SLC35D4: variants seen among roughly 807,000 people sequenced by gnomAD.
SLC35D4 encodes UDP-N-acetylglucosamine transporter SLC35D4.
At chr18:23,257,439 ATG>A in the SLC35D4 span, 3 of 1,481,344 alleles carry the variant, frequency 2.0e-6, no homozygotes, top group African/African-American at 1.4e-5. Context: ...ACTACTGGAA[ATG>A]AAAAAAAGTA....
chr18:23,418,678 C>G, the SLC35D4 span, among the ~76,000 whole-genome samples: 1 of 150,748 alleles, frequency 6.6e-6, no homozygotes. Context: ...AATATATTCT[C>G]AAATCTTCTC....
At chr18:23,374,119 T>C in the SLC35D4 span, among the ~76,000 whole-genome samples, 1 of 152,000 alleles carries the variant, frequency 6.6e-6, no homozygotes, top group East Asian at 1.9e-4. Flanking sequence ...AATATACAAG[T>C]GAAAAACTGG....
chr18:23,405,721 A>G, the SLC35D4 span, among the ~76,000 whole-genome samples: 2 of 152,180 alleles, frequency 1.3e-5, no homozygotes, highest in Admixed American at 6.5e-5. Flanking sequence ...GGAAGGAGAG[A>G]GAAAGCCTGT....
the SLC35D4 span, among the ~76,000 whole-genome samples, chr18:23,398,090 G>A: frequency 1.0e-3 from 156 of 152,184 alleles, no homozygotes; most frequent in Admixed American, 2.9e-3. Flanking sequence ...ACAAAAAAAC[G>A]AGAGCTGCCA....
the SLC35D4 span, among the ~76,000 whole-genome samples, chr18:23,353,462 G>T: frequency 1.3e-5 from 2 of 152,266 alleles, no homozygotes; most frequent in East Asian, 3.9e-4. Flanking sequence ...TGCTTGTCAG[G>T]TTGAATTGGA....
At chr18:23,338,131 T>C in the SLC35D4 span, among the ~76,000 whole-genome samples, 3 of 152,324 alleles carry the variant, frequency 2.0e-5, no homozygotes, top group East Asian at 3.9e-4. Context: ...ACCAAACATA[T>C]ATTTTCACAT....
At chr18:23,416,588 G>A in the SLC35D4 span, among the ~76,000 whole-genome samples, 42 of 152,264 alleles carry the variant, frequency 2.8e-4, no homozygotes, top group East Asian at 1.7e-3. Flanking sequence ...ATCTGGTAAC[G>A]CTCCTTTGCC....
At chr18:23,367,171 C>G in the SLC35D4 span, among the ~76,000 whole-genome samples, 1 of 152,104 alleles carries the variant, frequency 6.6e-6, no homozygotes. Flanking sequence ...AAAGGGTAAC[C>G]TCAAATAAAA....
chr18:23,250,921 A>G, the SLC35D4 span, among the ~76,000 whole-genome samples: 238 of 152,360 alleles, frequency 1.6e-3, 1 homozygote, highest in African/African-American at 5.7e-3. Flanking sequence ...AGATCACTTG[A>G]ACGGGGATGT....
the SLC35D4 span, chr18:23,309,829 A>T: frequency 1.5e-6 from 2 of 1,346,118 alleles, no homozygotes; most frequent in Non-Finnish European, 2.1e-6. Flanking sequence ...AGCTTAGCTC[A>T]CTTGAGTTCG....
chr18:23,374,102 C>T, the SLC35D4 span, among the ~76,000 whole-genome samples: 3 of 152,152 alleles, frequency 2.0e-5, no homozygotes, highest in Non-Finnish European at 4.4e-5. Flanking sequence ...AACTGCAGAT[C>T]CCCAAAAATA....
chr18:23,374,228 A>C, the SLC35D4 span, among the ~76,000 whole-genome samples: 1 of 152,232 alleles, frequency 6.6e-6, no homozygotes, highest in Non-Finnish European at 1.5e-5. Context: ...ATCAAACTTA[A>C]CACCACCAAT....
chr18:23,278,122 CAATT>C, the SLC35D4 span, among the ~76,000 whole-genome samples: 1 of 152,150 alleles, frequency 6.6e-6, no homozygotes, highest in Non-Finnish European at 1.5e-5. Flanking sequence ...TCTTTCCAAT[CAATT>C]GATTTCCTAC....
the SLC35D4 span, among the ~76,000 whole-genome samples, chr18:23,290,177 T>C: frequency 6.6e-6 from 1 of 152,214 alleles, no homozygotes; most frequent in Non-Finnish European, 1.5e-5. Context: ...CTCCTGGCAC[T>C]TCCTCAGCAC....
the SLC35D4 span, among the ~76,000 whole-genome samples, chr18:23,268,971 G>C: frequency 1.2e-4 from 19 of 152,236 alleles, no homozygotes; most frequent in Non-Finnish European, 2.4e-4. Flanking sequence ...CACAAGAGCA[G>C]TTCAGAGAAA....
chr18:23,294,176 G>T, the SLC35D4 span, among the ~76,000 whole-genome samples: 1 of 152,072 alleles, frequency 6.6e-6, no homozygotes, highest in East Asian at 1.9e-4. Flanking sequence ...TAGAAAGCAC[G>T]TTCTTTCTTT....
chr18:23,324,746 G>A, the SLC35D4 span, among the ~76,000 whole-genome samples: 4 of 152,264 alleles, frequency 2.6e-5, no homozygotes, highest in South Asian at 8.3e-4. Flanking sequence ...GAGGAAGAGT[G>A]GGAAGGGCAG....
the SLC35D4 span, among the ~76,000 whole-genome samples, chr18:23,266,835 G>A: frequency 2.2e-4 from 34 of 152,294 alleles, no homozygotes; most frequent in African/African-American, 7.7e-4. Flanking sequence ...AGCGGCACCC[G>A]CCCTGCAGAG....
chr18:23,312,285 G>C, the SLC35D4 span, among the ~76,000 whole-genome samples: 1 of 152,166 alleles, frequency 6.6e-6, no homozygotes, highest in Admixed American at 6.5e-5. Context: ...GAGATAGATA[G>C]CTGGTCTGCT....
Sources: gnomAD v4.1 joint callset for allele counts (sites outside exome capture counted in the v4.1 genomes callset) on GRCh38, gnomAD v4.1.1 for gene constraint, MANE v1.5 for transcripts, NCBI Gene and HGNC (gene_info 2026-07-23, HGNC 2026-07-21) for gene names.